The following RTL9 variants were observed in gnomAD, a reference collection of about 807,000 sequenced individuals.
RTL9 encodes retrotransposon Gag-like protein 9.
A neutral mutation model predicts 44.7 loss-of-function variants in RTL9; 19 were observed. The observed-to-expected ratio is 0.42, with a 90% CI of 0.30 to 0.62. RTL9 has a LOEUF of 0.62. Ranked by LOEUF, RTL9 falls within the 20% of genes least tolerant of loss-of-function variation. The probability of loss-of-function intolerance (pLI) is 0.16; values close to 1 mark genes in which losing one functional copy is unlikely to be tolerated. For missense variants in RTL9, 1,105 were observed against 1,080.6 expected (o/e 1.02, Z -0.32); for synonymous variants, 407 against 398.9 (o/e 1.02, Z -0.24).
intron 1 of RTL9, among the ~76,000 whole-genome samples, chrX:110,408,098 G>GT (rs2068615556): frequency 8.9e-6 from 1 of 112,760 alleles, no homozygotes; most frequent in Admixed American, 9.3e-5. Context: ...GCAACAACAG[G>GT]TATCAATTTA....
rs12008640 is a variant in RTL9, at chrX:110,411,261, C to T, written c.-167-33892C>T. Among the ~76,000 whole-genome samples, 463 of 111,819 alleles carry T rather than the reference C, an allele frequency of 4.1e-3. 2 individuals carry two copies. Among genetic ancestry groups the T allele is most frequent in the African/African-American group, 0.013 (414 of 30,764 alleles). On this transcript the variant is annotated intron_variant, in intron 1 of 2. Transcript: ENST00000520821. The stretch of plus-strand genomic sequence containing the variant: ...GTATCACTGGCATGGAAGTCAGTAG[C>T]CTCAAGATCTGGGAAGAGTTTGGTC...
intron 1 of RTL9, among the ~76,000 whole-genome samples, chrX:110,381,163 A>G (rs1418210013): frequency 2.7e-5 from 3 of 112,300 alleles, no homozygotes; most frequent in Non-Finnish European, 5.6e-5. Flanking sequence ...AGAACTGGAT[A>G]AAATATTCAT....
chrX:110,405,095 C>A (rs569106423), intron 1 of RTL9, among the ~76,000 whole-genome samples: 3 of 100,531 alleles, frequency 3.0e-5, no homozygotes, highest in Non-Finnish European at 4.1e-5. Context: ...GTGTCCCCCC[C>A]CCCCCCAAGC....
chrX:110,384,555 T>C (rs1278875597), intron 1 of RTL9, among the ~76,000 whole-genome samples: 5 of 111,800 alleles, frequency 4.5e-5, no homozygotes, highest in Non-Finnish European at 7.5e-5. Flanking sequence ...TTTACTTGAA[T>C]GAATGAACCC....
chrX:110,391,113 T>C (rs1286513575), intron 1 of RTL9, among the ~76,000 whole-genome samples: 3 of 111,950 alleles, frequency 2.7e-5, no homozygotes, highest in Non-Finnish European at 5.6e-5. Flanking sequence ...TTAAAAGGCA[T>C]ACTGACAGCT....
chrX:110,414,800 C>T (rs889568102), upstream of RTL9, among the ~76,000 whole-genome samples: 1 of 112,445 alleles, frequency 8.9e-6, no homozygotes, highest in African/African-American at 3.2e-5. Context: ...CCTTCCAGAG[C>T]TTCCCCTCAG....
chrX:110,398,645 G>T (rs2068543900), intron 1 of RTL9, among the ~76,000 whole-genome samples: 1 of 111,845 alleles, frequency 8.9e-6, no homozygotes, highest in African/African-American at 3.2e-5. Flanking sequence ...CATAAATCCA[G>T]TTAGATCTTA....
intron 1 of RTL9, among the ~76,000 whole-genome samples, chrX:110,411,954 T>TC (rs2068644457): frequency 8.9e-6 from 1 of 112,550 alleles, no homozygotes; most frequent in Non-Finnish European, 1.9e-5. Context: ...TAAACGAGCT[T>TC]CTGTAGACCA....
At chrX:110,409,646 GTT>G (rs113947141) in intron 1 of RTL9, among the ~76,000 whole-genome samples, 1 of 101,233 alleles carries the variant, frequency 9.9e-6, no homozygotes. Flanking sequence ...TGCTGCTGCT[GTT>G]TTTTTTTTTT....
chrX:110,439,461 T>A (rs1569430580), intron 1 of RTL9, among the ~76,000 whole-genome samples: 2 of 112,438 alleles, frequency 1.8e-5, no homozygotes, highest in African/African-American at 6.5e-5. Flanking sequence ...GCTTAAAACA[T>A]CTTTCACTGT....
At chrX:110,430,962 A>G (rs1056999741) in intron 1 of RTL9, among the ~76,000 whole-genome samples, 2 of 112,045 alleles carry the variant, frequency 1.8e-5, no homozygotes, top group African/African-American at 3.3e-5. Flanking sequence ...GTACTTGTGT[A>G]TGATACTCAG....
At chrX:110,450,499 A>G, upstream of RTL9, 1 of 612,018 alleles carries the variant, frequency 1.6e-6, no homozygotes, top group Middle Eastern at 5.4e-4. Context: ...TCCACCATGA[A>G]CAATTTGTCT....
chrX:110,451,811 G>A (rs761304548), exon 1 of RTL9: 2 of 1,211,910 alleles, frequency 1.7e-6, no homozygotes, highest in African/African-American at 1.7e-5. Flanking sequence ...CTGGGGTGAT[G>A]TCTGCACCAC....
upstream of RTL9, among the ~76,000 whole-genome samples, chrX:110,448,187 A>G (rs1343651396): frequency 9.0e-6 from 1 of 111,016 alleles, no homozygotes; most frequent in Non-Finnish European, 1.9e-5. Context: ...ACAGGGCTCT[A>G]TTAAGGTGTT....
chrX:110,388,664 T>A lies in RTL9; in HGVS notation c.-168+29748T>A, dbSNP rs141085537. Among the ~76,000 whole-genome samples, 540 of 112,496 alleles carry A rather than the reference T, an allele frequency of 4.8e-3. 2 individuals carry two copies. The highest frequency in any genetic ancestry group is 0.014 in the Middle Eastern group (3 of 218). The stretch of plus-strand genomic sequence containing the variant: ...GCTTCTTAAAACACAGATTGCTATA[T>A]CCCACCCCTGAGTTTCTGGTTCAGT... On this transcript the variant is annotated intron_variant, in intron 1 of 2. Coordinates refer to the RTL9 transcript ENST00000520821.
intron 1 of RTL9, among the ~76,000 whole-genome samples, chrX:110,423,864 T>C (rs1449429669): frequency 2.7e-5 from 3 of 112,496 alleles, no homozygotes; most frequent in Non-Finnish European, 5.6e-5. Flanking sequence ...TGGTTAATTA[T>C]TGAGACAGTT....
At chrX:110,452,128 C>G (rs2068946519) in exon 1 of RTL9, 1 of 1,211,937 alleles carries the variant, frequency 8.3e-7, no homozygotes, top group Non-Finnish European at 1.1e-6. Flanking sequence ...CTGAGGAGAG[C>G]TCCAACTTCT....
intron 1 of RTL9, among the ~76,000 whole-genome samples, chrX:110,378,173 G>T (rs1338907303): frequency 9.0e-6 from 1 of 111,490 alleles, no homozygotes; most frequent in Non-Finnish European, 1.9e-5. Context: ...CAGCTTTGGG[G>T]CTGTAAATGT....
exon 1 of RTL9, chrX:110,452,599 C>T: frequency 8.3e-7 from 1 of 1,211,748 alleles, no homozygotes. Flanking sequence ...ATGACAGACA[C>T]AGCCTCTGGA....
Sources: allele counts gnomAD v4.1 joint callset (sites outside exome capture counted in the v4.1 genomes callset), GRCh38; gene constraint gnomAD v4.1.1; transcripts MANE v1.5; gene names NCBI Gene and HGNC (gene_info 2026-07-23, HGNC 2026-07-21).